Variants in HPSE2 observed in about 807,000 individuals in gnomAD.
HPSE2 encodes inactive heparanase-2.
A neutral mutation model predicts 60.5 loss-of-function variants in HPSE2; 38 were observed. The observed-to-expected ratio is 0.63, with a 90% CI of 0.48 to 0.82. HPSE2 has a LOEUF of 0.82. HPSE2 is among the 40% of genes least tolerant of loss of function. The pLI, the probability that HPSE2 is intolerant of heterozygous loss-of-function variation, is 0.00. For synonymous variants in HPSE2, 295 were observed against 293.2 expected (o/e 1.01, Z -0.06); for missense variants, 713 against 740.4 (o/e 0.96, Z 0.43).
intron 3 of HPSE2, among the ~76,000 whole-genome samples, chr10:98,835,602 G>A (rs1017114837): frequency 3.3e-5 from 5 of 152,194 alleles, no homozygotes; most frequent in Non-Finnish European, 7.4e-5. Context: ...GCCATAAAGA[G>A]TTCTTAGTAC....
intron 3 of HPSE2, among the ~76,000 whole-genome samples, chr10:99,032,563 G>A (rs140208766): frequency 6.6e-6 from 1 of 152,186 alleles, no homozygotes; most frequent in Non-Finnish European, 1.5e-5. Flanking sequence ...ACATATTGAT[G>A]TAGAAAAATT....
intron 3 of HPSE2, among the ~76,000 whole-genome samples, chr10:99,130,390 G>A (rs1458191389): frequency 6.6e-6 from 1 of 152,062 alleles, no homozygotes; most frequent in East Asian, 1.9e-4. Flanking sequence ...AAAAATACTA[G>A]CTAACCAAAT....
chr10:98,899,350 GAC>G (rs1408206234), intron 3 of HPSE2, among the ~76,000 whole-genome samples: 1 of 152,092 alleles, frequency 6.6e-6, no homozygotes, highest in African/African-American at 2.4e-5. Flanking sequence ...CTTGTTGAAA[GAC>G]ACAATCAAGA....
At chr10:98,799,495 C>A (rs773386217) in intron 3 of HPSE2, among the ~76,000 whole-genome samples, 1 of 152,106 alleles carries the variant, frequency 6.6e-6, no homozygotes, top group Admixed American at 6.6e-5. Flanking sequence ...CATAGTTCTG[C>A]TCAGCACATG....
chr10:99,097,502 A>G (rs559624239), intron 3 of HPSE2, among the ~76,000 whole-genome samples: 1 of 152,330 alleles, frequency 6.6e-6, no homozygotes, highest in Non-Finnish European at 1.5e-5. Context: ...AAACTCTAGC[A>G]TTCTCTTTTT....
chr10:99,039,566 T>C (rs981487328), intron 3 of HPSE2, among the ~76,000 whole-genome samples: 30 of 151,024 alleles, frequency 2.0e-4, no homozygotes, highest in Non-Finnish European at 2.2e-4. Context: ...AATATATATT[T>C]GCCATTTTAT....
intron 3 of HPSE2, among the ~76,000 whole-genome samples, chr10:98,745,873 T>C (rs1949616827): frequency 6.6e-6 from 1 of 152,152 alleles, no homozygotes; most frequent in Admixed American, 6.6e-5. Context: ...CTGCAAGAGA[T>C]GATGCAGAGT....
chr10:98,489,633 C>A (rs1396935055), intron 10 of HPSE2, among the ~76,000 whole-genome samples: 3 of 152,188 alleles, frequency 2.0e-5, no homozygotes, highest in Non-Finnish European at 4.4e-5. Flanking sequence ...CTCCAGCATG[C>A]ATCTTAGAAA....
At chr10:98,489,866 G>A (rs1196072722) in intron 10 of HPSE2, among the ~76,000 whole-genome samples, 185 bp downstream of exon 10, 4 of 152,202 alleles carry the variant, frequency 2.6e-5, no homozygotes, top group African/African-American at 7.2e-5. Context: ...AGAAGGGAGC[G>A]TTTACTTGGA....
intron 9 of HPSE2, among the ~76,000 whole-genome samples, chr10:98,493,750 A>AGTGAAATGTTTAAATT (rs1941736884): frequency 6.6e-6 from 1 of 152,122 alleles, no homozygotes; most frequent in Admixed American, 6.5e-5. Flanking sequence ...TTTTCTGCCA[A>AGTGAAATGTTTAAATT]CCTCTGTCTT....
intron 7 of HPSE2, 109 bp from the exon 8 acceptor site, chr10:98,620,817 G>A: frequency 1.2e-6 from 1 of 813,374 alleles, no homozygotes; most frequent in African/African-American, 1.7e-5. Flanking sequence ...CCTGTTTTCA[G>A]GGGGTCATGA....
intron 9 of HPSE2, among the ~76,000 whole-genome samples, chr10:98,570,542 A>T (rs1944466325): frequency 6.6e-6 from 1 of 150,996 alleles, no homozygotes; most frequent in Non-Finnish European, 1.5e-5. Flanking sequence ...AGGGGACTGT[A>T]TTTTTTCCCT....
chr10:98,905,056 G>C (rs758548613), intron 3 of HPSE2, among the ~76,000 whole-genome samples: 5 of 152,074 alleles, frequency 3.3e-5, no homozygotes, highest in Non-Finnish European at 7.4e-5. Context: ...CATAATAAGA[G>C]ACAGGAGGAA....
At chr10:99,107,138 T>C (rs1423370300) in intron 3 of HPSE2, among the ~76,000 whole-genome samples, 2 of 152,216 alleles carry the variant, frequency 1.3e-5, no homozygotes, top group Admixed American at 6.5e-5. Context: ...CCCAGAGTGC[T>C]GGGATTACAG....
At chr10:98,522,718 T>G (rs1027638687) in intron 9 of HPSE2, among the ~76,000 whole-genome samples, 40 of 152,336 alleles carry the variant, frequency 2.6e-4, no homozygotes, top group Middle Eastern at 3.4e-3. Flanking sequence ...CCTCAGGTGA[T>G]CTGCCCGCCT....
At chr10:98,575,732 T>C (rs1474259428) in intron 9 of HPSE2, among the ~76,000 whole-genome samples, 2 of 152,222 alleles carry the variant, frequency 1.3e-5, no homozygotes, top group Non-Finnish European at 2.9e-5. Flanking sequence ...TCCACTGCAA[T>C]GTTATTATCA....
chr10:99,211,192 G>C (rs1184205549), intron 2 of HPSE2, among the ~76,000 whole-genome samples: 1 of 151,712 alleles, frequency 6.6e-6, no homozygotes, highest in East Asian at 1.9e-4. Flanking sequence ...AAAATACTTA[G>C]AAATATTTAA....
intron 3 of HPSE2, among the ~76,000 whole-genome samples, chr10:98,940,260 C>CA (rs1286887149): frequency 2.1e-5 from 3 of 143,036 alleles, no homozygotes; most frequent in East Asian, 4.0e-4. Flanking sequence ...AATAGAGACA[C>CA]AAAAAACCCT....
At chr10:98,823,819 A>G (rs12257821) in intron 3 of HPSE2, among the ~76,000 whole-genome samples, 35,055 of 152,072 alleles carry the variant, frequency 0.23, 4,442 homozygotes, top group African/African-American at 0.32. Context: ...TAACCTTTAG[A>G]AGCAGATAGA....
Sources: gnomAD v4.1 joint callset for allele counts (sites outside exome capture counted in the v4.1 genomes callset) on GRCh38, gnomAD v4.1.1 for gene constraint, MANE v1.5 for transcripts, NCBI Gene and HGNC (gene_info 2026-07-23, HGNC 2026-07-21) for gene names.